Variants in RPIA observed in about 807,000 individuals in gnomAD.
The protein encoded by RPIA is ribose-5-phosphate isomerase.
A neutral mutation model predicts 37.8 loss-of-function variants in RPIA; 29 were observed. The observed-to-expected ratio is 0.77, with a 90% CI of 0.57 to 1.05. RPIA has a LOEUF of 1.05. RPIA is among the 50% of genes least tolerant of loss of function. The pLI, the probability that RPIA is intolerant of heterozygous loss-of-function variation, is 0.00. For missense variants in RPIA, 385 were observed against 413.6 expected (o/e 0.93, Z 0.60); for synonymous variants, 167 against 157.0 (o/e 1.06, Z -0.48).
chr2:88,733,091 A>G (rs1266654877), intron 4 of RPIA, among the ~76,000 whole-genome samples: 1 of 152,146 alleles, frequency 6.6e-6, no homozygotes, highest in East Asian at 1.9e-4. Flanking sequence ...TGCTAGTTTG[A>G]GTTTTTTGGG....
intron 3 of RPIA, among the ~76,000 whole-genome samples, chr2:88,702,946 G>T (rs146173316): frequency 5.3e-5 from 8 of 152,312 alleles, no homozygotes; most frequent in Non-Finnish European, 1.0e-4. Flanking sequence ...ACTCATTCCA[G>T]ATGGGAAAAA....
intron 1 of RPIA, among the ~76,000 whole-genome samples, chr2:88,695,303 A>G (rs1484284176): frequency 6.6e-6 from 1 of 152,210 alleles, no homozygotes; most frequent in Non-Finnish European, 1.5e-5. Flanking sequence ...TGCATTTGGT[A>G]GGAAGGAGGA....
At chr2:88,696,209 A>G (rs1315251496) in intron 1 of RPIA, among the ~76,000 whole-genome samples, 1 of 152,170 alleles carries the variant, frequency 6.6e-6, no homozygotes, top group African/African-American at 2.4e-5. Flanking sequence ...TGGAAATCTT[A>G]AGAAATTTGA....
At chr2:88,722,484 C>A (rs936723919) in intron 3 of RPIA, among the ~76,000 whole-genome samples, 1 of 151,522 alleles carries the variant, frequency 6.6e-6, no homozygotes, top group African/African-American at 2.4e-5. Context: ...ATGAAACTTT[C>A]CATTGCAAAA....
At chr2:88,696,338 G>A (rs1382860348) in intron 1 of RPIA, among the ~76,000 whole-genome samples, 1 of 152,070 alleles carries the variant, frequency 6.6e-6, no homozygotes. Flanking sequence ...GAGGCCAGGA[G>A]TTCGAGACTA....
chr2:88,718,295 A>G (rs1340927141), intron 3 of RPIA, among the ~76,000 whole-genome samples: 3 of 152,228 alleles, frequency 2.0e-5, no homozygotes, highest in Non-Finnish European at 2.9e-5. Flanking sequence ...GATTTGCTTT[A>G]TCATACTTGG....
At chr2:88,721,544 T>C (rs1017384593) in intron 3 of RPIA, among the ~76,000 whole-genome samples, 1 of 82,932 alleles carries the variant, frequency 1.2e-5, no homozygotes, top group Non-Finnish European at 2.3e-5. Context: ...ATATATATTA[T>C]ACACACACAC....
chr2:88,706,265 T>G (rs1462186499), intron 3 of RPIA, among the ~76,000 whole-genome samples: 1 of 152,138 alleles, frequency 6.6e-6, no homozygotes, highest in East Asian at 1.9e-4. Flanking sequence ...GTATGTTCAT[T>G]GCAGCACTAT....
chr2:88,750,302 T>G lies in RPIA; in HGVS notation c.*224T>G, dbSNP rs903787839. 4.9e-6 allele frequency: 2 copies of G among 411,834 alleles called. No individual in the cohort carries two copies. The highest frequency in any genetic ancestry group is 4.0e-5 in the African/African-American group (2 of 50,298). The allele number at this position is 411,834 out of a possible 1,614,324, so 25.5% of individuals were successfully genotyped here. Reference sequence around the variant, plus strand: ...AACATATATTTTTACTATTAAAATATTCAGTTTTTTAAATGAAGTAGAACT... The same window carrying G: ...AACATATATTTTTACTATTAAAATAGTCAGTTTTTTAAATGAAGTAGAACT... On this transcript the variant is annotated 3_prime_UTR_variant, in exon 9 of 9. Transcript: ENST00000283646.
intron 4 of RPIA, among the ~76,000 whole-genome samples, chr2:88,733,784 C>G (rs989620769): frequency 1.3e-5 from 2 of 152,186 alleles, no homozygotes; most frequent in African/African-American, 4.8e-5. Context: ...TAAAAATATA[C>G]TCGGGGTTCC....
chr2:88,703,457 T>C (rs1271000018), intron 3 of RPIA, among the ~76,000 whole-genome samples: 3 of 152,336 alleles, frequency 2.0e-5, no homozygotes, highest in Admixed American at 1.3e-4. Flanking sequence ...ACTTCTGTGC[T>C]CCTGCAGGCT....
At chr2:88,745,661 G>A (rs1008750100) in intron 8 of RPIA, among the ~76,000 whole-genome samples, 5 of 152,202 alleles carry the variant, frequency 3.3e-5, no homozygotes, top group Non-Finnish European at 7.3e-5. Context: ...TAATTTGATA[G>A]GCTTTCTTTT....
intron 3 of RPIA, among the ~76,000 whole-genome samples, chr2:88,710,269 C>G (rs1231473806): frequency 1.3e-5 from 2 of 152,148 alleles, no homozygotes; most frequent in African/African-American, 2.4e-5. Flanking sequence ...TGTTCTCGAA[C>G]TCCTGGGCTC....
rs143859562 is a variant in RPIA at position 88,736,018 on chromosome 2, G to C, written c.596+281G>C. 2.5e-3 allele frequency among the ~76,000 whole-genome samples: 375 copies of C among 152,330 alleles called. 1 individual carries two copies. Among genetic ancestry groups the C allele is most frequent in the African/African-American group, 8.5e-3 (355 of 41,568 alleles). On this transcript the variant is annotated intron_variant, in intron 6 of 8. Transcript: ENST00000283646. ...AACAGCTTGTCACCCTGTTAGCAGAGCATGCTCTCATGTGTCATGTCACTC... is the reference window on the plus strand; with the variant it reads ...AACAGCTTGTCACCCTGTTAGCAGACCATGCTCTCATGTGTCATGTCACTC...
At chr2:88,729,389 A>G (rs750895646) in intron 4 of RPIA, 52 bp downstream of exon 4, 9 of 1,528,694 alleles carry the variant, frequency 5.9e-6, no homozygotes, top group Non-Finnish European at 8.2e-6. Flanking sequence ...CCGCTTTTTT[A>G]TGGCTGTCAC....
chr2:88,746,163 T>A (rs1673435501), intron 8 of RPIA, among the ~76,000 whole-genome samples: 1 of 151,330 alleles, frequency 6.6e-6, no homozygotes, highest in Admixed American at 6.6e-5. Flanking sequence ...TATCTGTTTC[T>A]CTGGAGTCCT....
At chr2:88,694,702 C>T (rs1034856175) in intron 1 of RPIA, among the ~76,000 whole-genome samples, 2 of 152,098 alleles carry the variant, frequency 1.3e-5, no homozygotes, top group Non-Finnish European at 2.9e-5. Flanking sequence ...CTTTCTCTCC[C>T]CAATGCTTTT....
rs145092721 is a variant in RPIA at position 88,728,877 on chromosome 2, G to C, written c.403-401G>C. On this transcript the variant is annotated intron_variant, in intron 3 of 8. Coordinates refer to ENST00000283646, the MANE Select transcript of RPIA (RefSeq NM_144563.3). ...AAACCACTCCGTGTCCATTCATAAT[G>C]ATCTTCCTCAGTCTGTTTTTATACC... is the stretch of plus-strand genomic sequence containing the variant. 1.4e-3 allele frequency among the ~76,000 whole-genome samples: 214 copies of C among 152,306 alleles called. 1 individual carries two copies. Among genetic ancestry groups the C allele is most frequent in the African/African-American group, 5.0e-3 (207 of 41,568 alleles).
chr2:88,706,703 T>TA (rs1217748694), intron 3 of RPIA, among the ~76,000 whole-genome samples: 9,727 of 143,146 alleles, frequency 0.068, 515 homozygotes, highest in African/African-American at 0.15. Context: ...AATTTTAAAT[T>TA]AAAAAAAAAA....
Sources: gnomAD v4.1 joint callset for allele counts (sites outside exome capture counted in the v4.1 genomes callset) on GRCh38, gnomAD v4.1.1 for gene constraint, MANE v1.5 for transcripts, NCBI Gene and HGNC (gene_info 2026-07-23, HGNC 2026-07-21) for gene names.